SLC8A1: variants seen among roughly 807,000 people sequenced by gnomAD.
SLC8A1 encodes the protein sodium/calcium exchanger 1.
A neutral mutation model predicts 68.3 loss-of-function variants in SLC8A1; 18 were observed. That is an observed-to-expected ratio of 0.26 (90% CI 0.18 to 0.39). The LOEUF (loss-of-function observed/expected upper bound fraction) is 0.39. Ranked by LOEUF, SLC8A1 falls within the 10% of genes least tolerant of loss-of-function variation. SLC8A1 has a pLI of 1.00. For missense variants in SLC8A1, 985 were observed against 1,156.7 expected, an observed-to-expected ratio of 0.85 and a Z score of 2.15; for synonymous variants, 475 against 415.5, an observed-to-expected ratio of 1.14 and a Z score of -1.74.
intron 2 of SLC8A1, among the ~76,000 whole-genome samples, chr2:40,414,461 C>A (rs1693194543): frequency 6.6e-6 from 1 of 152,158 alleles, no homozygotes; most frequent in Admixed American, 6.5e-5. Flanking sequence ...GTGTGGGTAA[C>A]TAAAGCCCTC....
chr2:40,340,279 G>A (rs1207419561), intron 2 of SLC8A1, among the ~76,000 whole-genome samples: 1 of 152,172 alleles, frequency 6.6e-6, no homozygotes, highest in East Asian at 1.9e-4. Flanking sequence ...AGGGAGTCAA[G>A]GCCAGGTGCG....
At chr2:40,159,914 T>C (rs967263098) in intron 6 of SLC8A1, among the ~76,000 whole-genome samples, 2 of 152,168 alleles carry the variant, frequency 1.3e-5, no homozygotes, top group Non-Finnish European at 2.9e-5. Flanking sequence ...AGTGACGCAG[T>C]TTCCAAATTT....
In SLC8A1 at chr2:40,416,948, G is replaced by C. The variant is rs919509452; in HGVS notation, c.1808+11525C>G. The stretch of plus-strand genomic sequence containing the variant: ...CCCTAAGCATCACATTTTCCCACTG[G>C]AAAAGGGTAGATAAAAAAGCAAAGG... On this transcript the variant is annotated intron_variant, in intron 2 of 7. Transcript: ENST00000406785. 2.0e-5 allele frequency among the ~76,000 whole-genome samples: 3 copies of C among 152,048 alleles called. No homozygotes were observed. In the East Asian group the frequency reaches 5.9e-4, roughly 30 times the overall value.
At chr2:40,277,315 C>T (rs1340017393) in intron 2 of SLC8A1, among the ~76,000 whole-genome samples, 2 of 151,740 alleles carry the variant, frequency 1.3e-5, no homozygotes, top group Admixed American at 6.6e-5. Context: ...CCAAGGCGGG[C>T]GATCACTTGA....
chr2:40,158,061 T>A (rs2044912276), intron 6 of SLC8A1, among the ~76,000 whole-genome samples: 1 of 152,198 alleles, frequency 6.6e-6, no homozygotes, highest in Non-Finnish European at 1.5e-5. Flanking sequence ...AATTATTATT[T>A]TTGTTTAGCG....
rs141214853 is a variant in SLC8A1 at position 40,307,273 on chromosome 2, G to A, written c.1808+121200C>T. On this transcript the variant is annotated intron_variant, in intron 2 of 7. Transcript: ENST00000406785. ...TACACGGTTGAACTTTGGAGACATT[G>A]TGCTAAGTGAAACATAGTAGTCACA... 4.8e-3 allele frequency among the ~76,000 whole-genome samples: 724 copies of A among 152,216 alleles called. 3 individuals carry two copies. The highest frequency in any genetic ancestry group is 0.016 in the African/African-American group (679 of 41,542).
At chr2:40,277,011 A>T (rs1042112872) in intron 2 of SLC8A1, among the ~76,000 whole-genome samples, 2 of 152,228 alleles carry the variant, frequency 1.3e-5, no homozygotes, top group African/African-American at 2.4e-5. Flanking sequence ...AAAGATATTC[A>T]TCTGAAAAAT....
chr2:40,439,157 G>C lies in SLC8A1; in HGVS notation c.-24-8853C>G, dbSNP rs187621429. Among the ~76,000 whole-genome samples, 18 of 152,058 alleles carry C rather than the reference G, an allele frequency of 1.2e-4. No individual in the cohort carries two copies. The East Asian group carries it at 2.7e-3, about 23-fold the overall frequency. ...ATAGGAGAAAAGAGGGGCCCCAAAA[G>C]GGAGATTAAAGCACTGGAGGTAATA... On this transcript the variant is annotated intron_variant, in intron 1 of 7. Transcript: ENST00000406785.
intron 7 of SLC8A1, among the ~76,000 whole-genome samples, chr2:40,122,238 A>ACACACACACACACGTGCGCGCGCGCG (rs1558435197): frequency 1.4e-4 from 21 of 148,458 alleles, no homozygotes; most frequent in African/African-American, 5.2e-4. Flanking sequence ...GTGCGCGCGC[A>ACACACACACACACGTGCGCGCGCGCG]CACACACACA....
chr2:40,394,338 C>G (rs1401847792), intron 2 of SLC8A1, among the ~76,000 whole-genome samples: 1 of 151,946 alleles, frequency 6.6e-6, no homozygotes, highest in Non-Finnish European at 1.5e-5. Context: ...GCCCAATAAG[C>G]TAGTAAGATA....
intron 2 of SLC8A1, among the ~76,000 whole-genome samples, chr2:40,279,081 T>C (rs1231022603): frequency 6.6e-6 from 1 of 152,186 alleles, no homozygotes; most frequent in Non-Finnish European, 1.5e-5. Flanking sequence ...TCAAAACTGT[T>C]TTCCCATTGA....
intron 2 of SLC8A1, among the ~76,000 whole-genome samples, chr2:40,212,643 G>T (rs384673): frequency 0.81 from 123,689 of 152,102 alleles, 51,085 homozygotes; most frequent in Middle Eastern, 0.88. Flanking sequence ...CTATAAATCT[G>T]CTGCCTTCTG....
intron 2 of SLC8A1, among the ~76,000 whole-genome samples, chr2:40,305,526 T>C (rs1026605023): frequency 7.9e-5 from 12 of 152,344 alleles, no homozygotes; most frequent in Middle Eastern, 3.4e-3. Flanking sequence ...AGAAGCTATG[T>C]ATACACTATT....
intron 2 of SLC8A1, among the ~76,000 whole-genome samples, chr2:40,374,406 G>T (rs948318586): frequency 6.6e-6 from 1 of 151,520 alleles, no homozygotes; most frequent in African/African-American, 2.4e-5. Flanking sequence ...AAAAAGAAAA[G>T]ATGAAATGAA....
intron 7 of SLC8A1, among the ~76,000 whole-genome samples, chr2:40,136,462 A>G (rs1007246570): frequency 2.0e-5 from 3 of 152,194 alleles, no homozygotes; most frequent in Non-Finnish European, 2.9e-5. Context: ...GACTAACGGG[A>G]AAGTTTTCAA....
intron 1 of SLC8A1, among the ~76,000 whole-genome samples, chr2:40,506,797 A>T (rs1382532978): frequency 6.6e-6 from 1 of 151,988 alleles, no homozygotes; most frequent in East Asian, 1.9e-4. Flanking sequence ...CATCTCTGGG[A>T]AAATGATATA....
chr2:40,393,514 G>A (rs1206237614), intron 2 of SLC8A1, among the ~76,000 whole-genome samples: 7 of 152,056 alleles, frequency 4.6e-5, no homozygotes. Flanking sequence ...AATCTGTACA[G>A]CCTTTGCTGT....
intron 7 of SLC8A1, among the ~76,000 whole-genome samples, chr2:40,124,960 C>T (rs544297583): frequency 1.3e-5 from 2 of 152,196 alleles, no homozygotes; most frequent in Non-Finnish European, 2.9e-5. Context: ...TTAAATGTCC[C>T]AGGATTTCAC....
intron 2 of SLC8A1, among the ~76,000 whole-genome samples, chr2:40,243,884 C>G (rs2061516661): frequency 1.3e-5 from 2 of 152,074 alleles, no homozygotes; most frequent in African/African-American, 4.8e-5. Flanking sequence ...GCTAGATAAA[C>G]AAACATTATT....
Sources: gnomAD v4.1 joint callset for allele counts (sites outside exome capture counted in the v4.1 genomes callset) on GRCh38, gnomAD v4.1.1 for gene constraint, MANE v1.5 for transcripts, NCBI Gene and HGNC (gene_info 2026-07-23, HGNC 2026-07-21) for gene names.